ATP5MC2: variants seen among roughly 807,000 people sequenced by gnomAD.
ATP5MC2 encodes the protein ATP synthase F(0) complex subunit C2, mitochondrial.
ATP5MC2 carries 11 observed loss-of-function variants against 13.5 expected under a neutral mutation model. The ratio of observed to expected loss-of-function variants is 0.81; its 90% CI spans 0.51 to 1.35. The LOEUF (loss-of-function observed/expected upper bound fraction) is 1.35. ATP5MC2 is among the 40% of genes most tolerant of loss of function. The probability of loss-of-function intolerance (pLI) is 0.00; values close to 1 mark genes in which losing one functional copy is unlikely to be tolerated. For missense variants in ATP5MC2, 132 were observed against 175.0 expected, an observed-to-expected ratio of 0.75 and a Z score of 1.39; for synonymous variants, 64 against 69.7, an observed-to-expected ratio of 0.92 and a Z score of 0.41.
intron 4 of ATP5MC2, among the ~76,000 whole-genome samples, chr12:53,667,548 G>A (rs1944951396): frequency 1.3e-5 from 2 of 152,008 alleles, no homozygotes; most frequent in South Asian, 2.1e-4. Flanking sequence ...CCAGGCTGGA[G>A]TGCAGTGGCG....
chr12:53,670,973 T>TA (rs879420372), intron 2 of ATP5MC2, among the ~76,000 whole-genome samples: 50 of 110,798 alleles, frequency 4.5e-4, no homozygotes, highest in East Asian at 1.8e-3. Context: ...ATCATAAAGT[T>TA]AAAAAAAAAA....
rs144251099 is a variant in ATP5MC2, at chr12:53,669,595, AG to A, written c.118-255del. On this transcript the variant is annotated intron_variant, in intron 3 of 4. Coordinates refer to ENST00000394349, the MANE Select transcript of ATP5MC2 (RefSeq NM_005176.7). ...GCTGCCCCAAGGAGATCATCTTCCT[AG>A]GACTAAATGCTTCCAACTGAAGTCA... is the stretch of plus-strand genomic sequence containing the variant. Among the ~76,000 whole-genome samples the A allele has an allele frequency of 2.9e-3, 442 of 152,308 alleles. 1 individual carries two copies. The highest frequency in any genetic ancestry group is 6.8e-3 in the Middle Eastern group (2 of 292).
intron 1 of ATP5MC2, 48 bp from the exon 2 acceptor site, chr12:53,672,693 A>G (rs758654921): frequency 6.6e-7 from 1 of 1,525,066 alleles, no homozygotes; most frequent in Non-Finnish European, 8.9e-7. Flanking sequence ...TCACTAAACT[A>G]TATCCTTATT....
intron 1 of ATP5MC2, chr12:53,673,860 T>C (rs1945188242): frequency 5.9e-6 from 1 of 169,514 alleles, no homozygotes; most frequent in African/African-American, 2.4e-5. Context: ...CTCCCCAAGA[T>C]CTAAAGAAGA....
In ATP5MC2 at chr12:53,676,051, A is replaced by T. The variant is rs751716213; in HGVS notation, c.-32+2T>A. The T allele has an allele frequency of 1.2e-6, 2 of 1,613,726 alleles. No individual in the cohort carries two copies. The highest frequency in any genetic ancestry group is 1.7e-6 in the Non-Finnish European group (2 of 1,179,918). ...AGAGGGCTCTAGGTCCCAAGGCCTT[A>T]CCTGCTCCCACTGCAGAGAAGACAG... is the stretch of plus-strand genomic sequence containing the variant. On this transcript the variant is annotated splice_donor_variant, in intron 1 of 4. Coordinates refer to ENST00000394349, the MANE Select transcript of ATP5MC2 (RefSeq NM_005176.7). LOFTEE classifies it low-confidence loss of function (5UTR_SPLICE).
intron 4 of ATP5MC2, 100 bp from the exon 5 acceptor site, chr12:53,665,528 A>G (rs1944890286): frequency 3.1e-6 from 3 of 981,436 alleles, no homozygotes; most frequent in South Asian, 1.4e-5. Context: ...CTTCAAGATT[A>G]TCTCACATAA....
rs1945021040 is a variant in ATP5MC2 at position 53,669,245 on chromosome 12, C to T, written c.214G>A (p.Ala72Thr). ...GCAGCCCCAGCTCCAATGAACTTGGCTGCTGTGTCGATGTCCCTTGAAATG... is the reference window on the plus strand; with the variant it reads ...GCAGCCCCAGCTCCAATGAACTTGGTTGCTGTGTCGATGTCCCTTGAAATG... Reference protein sequence around the residue: ...SAISRDIDTAAKFIGAGAATV... With the variant: ...SAISRDIDTATKFIGAGAATV... Residue 72 changes from alanine to threonine, a missense_variant, in exon 4 of 5, where the codon GCC (alanine) becomes ACC (threonine). Physicochemically the swap from Ala to Thr is moderately conservative, Grantham distance 58. Coordinates refer to ENST00000394349, the MANE Select transcript of ATP5MC2 (RefSeq NM_005176.7). 3 of 1,614,116 alleles carry T rather than the reference C, an allele frequency of 1.9e-6. No individual in the cohort carries two copies. The East Asian group carries it at 6.7e-5, about 36-fold the overall frequency.
At chr12:53,680,784 C>A (rs1945336201), upstream of ATP5MC2, among the ~76,000 whole-genome samples, 1 of 152,154 alleles carries the variant, frequency 6.6e-6, no homozygotes. Context: ...CTCCTATGTG[C>A]TAGGCACTGT....
intron 2 of ATP5MC2, among the ~76,000 whole-genome samples, chr12:53,670,672 C>A (rs1339494363): frequency 6.6e-6 from 1 of 151,152 alleles, no homozygotes; most frequent in Non-Finnish European, 1.5e-5. Context: ...GGCTGGAATG[C>A]AGTGTCGTGA....
At chr12:53,671,153 C>G (rs1945084962) in intron 2 of ATP5MC2, among the ~76,000 whole-genome samples, 1 of 152,116 alleles carries the variant, frequency 6.6e-6, no homozygotes, top group African/African-American at 2.4e-5. Context: ...CCAGTGACAC[C>G]AAAACAGACA....
chr12:53,678,366 AT>A (rs1316736281), upstream of ATP5MC2, among the ~76,000 whole-genome samples: 23 of 83,472 alleles, frequency 2.8e-4, no homozygotes, highest in African/African-American at 9.1e-4. Flanking sequence ...CACCACCACC[AT>A]CACCACCATC....
At chr12:53,672,447 C>T in intron 2 of ATP5MC2, 129 bp downstream of exon 2, 1 of 1,004,008 alleles carries the variant, frequency 1.0e-6, no homozygotes, top group African/African-American at 1.6e-5. Context: ...GTTTTGAACT[C>T]CTGGCCTCAA....
At position 53,669,966 on chromosome 12, in the gene ATP5MC2, C is replaced by G; in HGVS notation, c.40-18G>C. 6.2e-7 allele frequency: 1 copy of G among 1,612,998 alleles called. No homozygotes were observed. On this transcript the variant is annotated intron_variant, in intron 2 of 4. Transcript: ENST00000394349. ...CTCTTGACCTAGCAGGAATGACATA[C>G]AGGGGCAGGAAGGTCAAGGAAGACT...
chr12:53,665,389 A>G lies in ATP5MC2; in HGVS notation c.351T>C (p.Ile117=). The G allele has an allele frequency of 1.2e-6, 2 of 1,614,184 alleles. No individual in the cohort carries two copies. Among genetic ancestry groups the G allele is most frequent in the Non-Finnish European group, 1.7e-6 (2 of 1,180,026 alleles). ...SLKQQLFSYA[I]LGFALSEAMG... ...TGGCCTCCGAGAGGGCAAAGCCCAG[A>G]ATGGCGTAGGAGAAGAGCTGTTGCT... The change falls in exon 5 of 5, where the codon ATT becomes ATC. Residue 117 remains isoleucine, a synonymous_variant. Transcript: ENST00000394349.
chr12:53,666,070 G>C (rs1379286650), intron 4 of ATP5MC2, among the ~76,000 whole-genome samples: 1 of 152,214 alleles, frequency 6.6e-6, no homozygotes, highest in African/African-American at 2.4e-5. Flanking sequence ...CACTTTGGGA[G>C]GCCAAAGCAG....
At chr12:53,669,769 G>T in intron 3 of ATP5MC2, 102 bp downstream of exon 3, 1 of 1,246,926 alleles carries the variant, frequency 8.0e-7, no homozygotes, top group Non-Finnish European at 1.2e-6. Context: ...ATGAATTTTA[G>T]CCTGTGATGA....
Position 53,667,950 on chromosome 12 carries a change from CACACACAT to C in ATP5MC2, c.311+1190_311+1197del, listed in dbSNP as rs1391457390. 2.7e-3 allele frequency among the ~76,000 whole-genome samples: 99 copies of C among 37,254 alleles called. 3 individuals are homozygous for C. The South Asian group carries it at 0.062, about 23-fold the overall frequency. 24.4% of individuals were successfully genotyped at this position (37,254 alleles called of 152,430 possible). A position where few individuals can be genotyped will look rare whatever the true frequency, so the allele number is the denominator to read the frequency against. ...AAACATTCTAATACATACATACATACACACACATATATATATATATATATATATATATA... is the reference window on the plus strand; with the variant it reads ...AAACATTCTAATACATACATACATACATATATATATATATATATATATATA... On this transcript the variant is annotated intron_variant, in intron 4 of 4. Coordinates refer to ENST00000394349, the MANE Select transcript of ATP5MC2 (RefSeq NM_005176.7).
chr12:53,671,254 C>T (rs1945087544), intron 2 of ATP5MC2, among the ~76,000 whole-genome samples: 1 of 152,164 alleles, frequency 6.6e-6, no homozygotes, highest in Non-Finnish European at 1.5e-5. Flanking sequence ...CAGGATAAGT[C>T]ACTTAAACCT....
chr12:53,678,396 G>A (rs12818931), upstream of ATP5MC2, among the ~76,000 whole-genome samples: 13,822 of 151,692 alleles, frequency 0.091, 789 homozygotes, highest in Non-Finnish European at 0.13. Flanking sequence ...CATCATCACT[G>A]CTTCTATAGT....
Sources: allele counts gnomAD v4.1 joint callset (sites outside exome capture counted in the v4.1 genomes callset), GRCh38; gene constraint gnomAD v4.1.1; transcripts MANE v1.5; gene names NCBI Gene and HGNC (gene_info 2026-07-23, HGNC 2026-07-21).